Variants in ABCB5 observed in about 807,000 individuals in gnomAD.
The protein encoded by ABCB5 is ATP-binding cassette sub-family B member 5.
Under a neutral mutation model 144.2 loss-of-function variants are expected in ABCB5, and 155 were observed. The observed-to-expected ratio is 1.08, with a 90% CI of 0.94 to 1.23. ABCB5 has a LOEUF of 1.23. ABCB5 is among the 50% of genes most tolerant of loss of function. The pLI, the probability that ABCB5 is intolerant of heterozygous loss-of-function variation, is 0.00. For missense variants in ABCB5, 1,830 were observed against 1,520.8 expected, an observed-to-expected ratio of 1.20 and a Z score of -3.38; for synonymous variants, 610 against 528.6, an observed-to-expected ratio of 1.15 and a Z score of -2.11.
chr7:20,617,219 A>G (rs961394383), intron 1 of ABCB5, among the ~76,000 whole-genome samples: 2 of 152,218 alleles, frequency 1.3e-5, no homozygotes, highest in African/African-American at 4.8e-5. Flanking sequence ...TACCTGGCAC[A>G]GTATATATCT....
chr7:20,721,239 G>C (rs930728603), intron 20 of ABCB5, among the ~76,000 whole-genome samples: 2 of 152,204 alleles, frequency 1.3e-5, no homozygotes, highest in African/African-American at 4.8e-5. Flanking sequence ...TTAATCCCAA[G>C]TGATTCAGGG....
intron 16 of ABCB5, among the ~76,000 whole-genome samples, chr7:20,696,579 T>G (rs2128042587): frequency 6.6e-6 from 1 of 152,252 alleles, no homozygotes; most frequent in Non-Finnish European, 1.5e-5. Context: ...TATGTGCACT[T>G]TGTTATATGA....
intron 5 of ABCB5, among the ~76,000 whole-genome samples, chr7:20,637,320 TC>T (rs1562531301): frequency 6.6e-6 from 1 of 152,182 alleles, no homozygotes; most frequent in East Asian, 1.9e-4. Flanking sequence ...AATAGTTGAA[TC>T]TTTTCTTGCT....
intron 20 of ABCB5, among the ~76,000 whole-genome samples, chr7:20,707,952 T>TGCTA (rs757456493): frequency 6.6e-6 from 1 of 151,862 alleles, no homozygotes; most frequent in East Asian, 1.9e-4. Flanking sequence ...TACAGGTGCC[T>TGCTA]GCTACTATGC....
chr7:20,640,490 T>C (rs181069334), intron 5 of ABCB5, among the ~76,000 whole-genome samples: 9 of 152,322 alleles, frequency 5.9e-5, no homozygotes, highest in East Asian at 1.9e-4. Context: ...CGTCACAGCC[T>C]TCTTGCACTA....
chr7:20,743,102 C>G, intron 25 of ABCB5, 28 bp downstream of exon 25: 5 of 1,608,414 alleles, frequency 3.1e-6, no homozygotes, highest in Non-Finnish European at 4.3e-6. Flanking sequence ...CACACCTAAT[C>G]TGGGGGTTAG....
intron 2 of ABCB5, among the ~76,000 whole-genome samples, chr7:20,624,056 T>C (rs1294168397): frequency 6.6e-6 from 1 of 152,202 alleles, no homozygotes; most frequent in Admixed American, 6.5e-5. Context: ...AACTTCTCCT[T>C]TAATGTTTTT....
At position 20,753,515 on chromosome 7, in the gene ABCB5, ATTTTC is replaced by A; in HGVS notation, c.3576+14_3576+18del. On this transcript the variant is annotated intron_variant, in intron 27 of 27. Transcript: ENST00000404938. Reference sequence around the variant, plus strand: ...ATAATGACAGTGAGAAGGTAACATCATTTTCTTTTATCTCAGAATATAATACCAAA... The same window carrying A: ...ATAATGACAGTGAGAAGGTAACATCATTTTATCTCAGAATATAATACCAAA... 1 of 1,607,522 alleles carries A rather than the reference ATTTTC, an allele frequency of 6.2e-7. No homozygotes were observed. Among genetic ancestry groups the A allele is most frequent in the Middle Eastern group, 1.7e-4 (1 of 6,024 alleles).
intron 13 of ABCB5, 126 bp from the exon 14 acceptor site, chr7:20,658,380 T>C: frequency 2.8e-6 from 2 of 723,580 alleles, no homozygotes; most frequent in Non-Finnish European, 4.2e-6. Context: ...TCAAAAGACA[T>C]AAGCACCCAG....
At chr7:20,744,635 A>T (rs1344443600) in intron 25 of ABCB5, among the ~76,000 whole-genome samples, 1 of 149,916 alleles carries the variant, frequency 6.7e-6, no homozygotes, top group African/African-American at 2.5e-5. Flanking sequence ...GGGGGGAGGG[A>T]CAGCATTAGG....
intron 14 of ABCB5, chr7:20,659,356 C>A (rs1784922429): frequency 3.1e-6 from 4 of 1,270,498 alleles, no homozygotes; most frequent in Non-Finnish European, 4.0e-6. Flanking sequence ...GGCTTAATGG[C>A]ACATTTTACT....
At position 20,728,414 on chromosome 7, in the gene ABCB5, T is replaced by C. The variant is rs769545968; in HGVS notation, c.2826T>C (p.Tyr942=). 43 of 1,614,066 alleles carry C rather than the reference T, an allele frequency of 2.7e-5. No individual in the cohort carries two copies. The highest frequency in any genetic ancestry group is 5.0e-5 in the Admixed American group (3 of 59,994). ...AYAAGFRFGA[Y]LIQAGRMTPE... Reference sequence around the variant, plus strand: ...CGGCAGGGTTTCGATTTGGAGCCTATTTAATTCAAGCTGGACGAATGACCC... The same window carrying C: ...CGGCAGGGTTTCGATTTGGAGCCTACTTAATTCAAGCTGGACGAATGACCC... Residue 942 remains tyrosine (Y), a synonymous_variant, in exon 23 of 28, where the codon TAT becomes TAC. Transcript: ENST00000404938.
chr7:20,657,172 G>C lies in ABCB5; in HGVS notation c.1537-1334G>C, dbSNP rs538497797. On this transcript the variant is annotated intron_variant, in intron 13 of 27. Transcript: ENST00000404938. ...AATCCACCCACCACAACCTCCCAAA[G>C]TGCTGGGATTACAGGTGTGAACCAC... Among the ~76,000 whole-genome samples, 11 of 152,204 alleles carry C rather than the reference G, an allele frequency of 7.2e-5. No individual in the cohort carries two copies. In the South Asian group the frequency reaches 1.0e-3, roughly 14 times the overall value.
chr7:20,617,572 T>C (rs1256349750), intron 1 of ABCB5, among the ~76,000 whole-genome samples: 1 of 152,250 alleles, frequency 6.6e-6, no homozygotes, highest in African/African-American at 2.4e-5. Context: ...TATATAGTCA[T>C]GTTTCTCAAA....
At chr7:20,733,617 T>C (rs1399101274) in intron 23 of ABCB5, among the ~76,000 whole-genome samples, 1 of 150,910 alleles carries the variant, frequency 6.6e-6, no homozygotes, top group Admixed American at 6.6e-5. Flanking sequence ...CTGGTATCAC[T>C]TTTCTTCTCT....
intron 16 of ABCB5, among the ~76,000 whole-genome samples, chr7:20,689,097 C>G (rs967653948): frequency 2.6e-5 from 4 of 151,774 alleles, no homozygotes; most frequent in Non-Finnish European, 1.5e-5. Flanking sequence ...GCACATGTAC[C>G]CTAGAACTTA....
intron 20 of ABCB5, among the ~76,000 whole-genome samples, chr7:20,720,480 C>T (rs1781823557): frequency 6.6e-6 from 1 of 152,118 alleles, no homozygotes; most frequent in African/African-American, 2.4e-5. Context: ...TGGGACCAAT[C>T]AAAACTGCGT....
intron 21 of ABCB5, among the ~76,000 whole-genome samples, chr7:20,726,358 C>T (rs1363986714): frequency 1.3e-3 from 103 of 78,416 alleles, no homozygotes; most frequent in East Asian, 4.6e-3. Context: ...TCTCTGCTAT[C>T]TTTTTTTTTT....
intron 15 of ABCB5, among the ~76,000 whole-genome samples, chr7:20,683,310 T>C (rs1429627203): frequency 1.3e-5 from 2 of 152,202 alleles, no homozygotes; most frequent in Non-Finnish European, 2.9e-5. Flanking sequence ...TTAGTTCACA[T>C]TTTGTGTCTC....
Sources: gnomAD v4.1 joint callset for allele counts (sites outside exome capture counted in the v4.1 genomes callset) on GRCh38, gnomAD v4.1.1 for gene constraint, MANE v1.5 for transcripts, NCBI Gene and HGNC (gene_info 2026-07-23, HGNC 2026-07-21) for gene names.